The following TET3 variants were observed in gnomAD, a reference collection of about 807,000 sequenced individuals.
The protein encoded by TET3 is methylcytosine dioxygenase TET3.
TET3 carries 19 observed loss-of-function variants against 141.4 expected under a neutral mutation model. That is an observed-to-expected ratio of 0.13 (90% confidence interval 0.09 to 0.20). The LOEUF is 0.20. Among genes scored for constraint, TET3 ranks in the 10% least tolerant of loss-of-function variants. The pLI, the probability that TET3 is intolerant of heterozygous loss-of-function variation, is 1.00. For synonymous variants in TET3, 1,043 were observed against 980.9 expected, an observed-to-expected ratio of 1.06 and a Z score of -1.18; for missense variants, 1,874 against 2,356.9, an observed-to-expected ratio of 0.80 and a Z score of 4.24.
At chr2:73,994,585 T>G (rs1188412548) in intron 2 of TET3, among the ~76,000 whole-genome samples, 1 of 151,860 alleles carries the variant, frequency 6.6e-6, no homozygotes, top group Non-Finnish European at 1.5e-5. Flanking sequence ...TTGCTAAGAT[T>G]ATGTGAAGTA....
chr2:74,058,098 CAGA>C (rs1485425901), intron 4 of TET3, among the ~76,000 whole-genome samples: 1 of 152,026 alleles, frequency 6.6e-6, no homozygotes. Flanking sequence ...GATTAAATTC[CAGA>C]AGAAGCATGC....
At chr2:74,096,039 C>G (rs1690803705) in intron 10 of TET3, among the ~76,000 whole-genome samples, 1 of 152,190 alleles carries the variant, frequency 6.6e-6, no homozygotes, top group South Asian at 2.1e-4. Flanking sequence ...ATTTGAATTT[C>G]ATCTTTGCGA....
chr2:74,099,522 G>GAGA lies in TET3; in HGVS notation c.3524_3526dup (p.Lys1175dup). 6.2e-7 allele frequency: 1 copy of GAGA among 1,612,656 alleles called. No individual in the cohort carries two copies. The highest frequency in any genetic ancestry group is 1.1e-5 in the South Asian group (1 of 90,816). ...GCTGGAAGCCAGAAAGGCAGCAGCC[G>GAGA]AGAAGAAGAAGATTCAGAAGGAGAA... On this transcript the variant is annotated inframe_insertion, in exon 11 of 12. Transcript: ENST00000409262.
chr2:74,056,674 C>T (rs1688235852), intron 4 of TET3, among the ~76,000 whole-genome samples: 1 of 152,130 alleles, frequency 6.6e-6, no homozygotes, highest in Non-Finnish European at 1.5e-5. Context: ...AAATATTACC[C>T]TGGGGACTAC....
At chr2:74,109,426 CTATCTT>C (rs1442720339), downstream of TET3, among the ~76,000 whole-genome samples, 1 of 152,146 alleles carries the variant, frequency 6.6e-6, no homozygotes, top group Non-Finnish European at 1.5e-5. Context: ...TGCACTTAAA[CTATCTT>C]TATCAGTATG....
At chr2:74,113,941 T>C in the TET3 span, among the ~76,000 whole-genome samples, 2 of 151,596 alleles carry the variant, frequency 1.3e-5, no homozygotes, top group South Asian at 4.2e-4. Context: ...TTCACAGAAA[T>C]AGAAAAAAAA....
At chr2:74,075,995 T>C (rs1321500650) in intron 5 of TET3, among the ~76,000 whole-genome samples, 1 of 152,206 alleles carries the variant, frequency 6.6e-6, no homozygotes. Context: ...GAGTCAAATG[T>C]ACAAGTTTGA....
chr2:74,052,489 G>A (rs1687996264), intron 4 of TET3, among the ~76,000 whole-genome samples: 1 of 145,740 alleles, frequency 6.9e-6, no homozygotes, highest in Non-Finnish European at 1.5e-5. Context: ...GAGACTCCAT[G>A]AAGCCATCTA....
chr2:74,119,367 A>AAAGATATT, the TET3 span, among the ~76,000 whole-genome samples: 1 of 152,048 alleles, frequency 6.6e-6, no homozygotes, highest in African/African-American at 2.4e-5. Flanking sequence ...AAAAAAAAAA[A>AAAGATATT]AAAGATATTG....
chr2:74,002,584 C>G (rs555556245), intron 2 of TET3: 20 of 324,334 alleles, frequency 6.2e-5, no homozygotes, highest in Non-Finnish European at 1.1e-4. Flanking sequence ...GCTGCGCCCC[C>G]GCCTCCCGGC....
At chr2:74,022,245 G>T (rs1344400920) in intron 3 of TET3, among the ~76,000 whole-genome samples, 21 of 151,594 alleles carry the variant, frequency 1.4e-4, no homozygotes, top group Admixed American at 5.3e-4. Context: ...ATCTTTCCTT[G>T]CTATGTTTAG....
the TET3 span, among the ~76,000 whole-genome samples, chr2:74,115,274 A>G: frequency 6.6e-6 from 1 of 152,202 alleles, no homozygotes; most frequent in African/African-American, 2.4e-5. Context: ...AAACGAAACA[A>G]TGCTATTTAA....
chr2:74,088,061 G>A (rs188122828), intron 7 of TET3, 23 bp downstream of exon 7: 3 of 1,550,716 alleles, frequency 1.9e-6, no homozygotes, highest in African/African-American at 1.4e-5. Flanking sequence ...GGGCTTCAGG[G>A]CCAGGGCCCA....
chr2:73,984,721 C>T (rs1422798644), upstream of TET3, among the ~76,000 whole-genome samples: 3 of 150,932 alleles, frequency 2.0e-5, no homozygotes, highest in African/African-American at 7.3e-5. This position sits in a 1 kb window ranked among gnomAD's most constrained non-coding sequence, Gnocchi z 5.6. Context: ...GAAGCGGCGG[C>T]CGGGCCGGAG....
chr2:74,099,216 C>G, intron 10 of TET3, 60 bp from the exon 11 acceptor site: 1 of 1,464,784 alleles, frequency 6.8e-7, no homozygotes, highest in South Asian at 1.3e-5. Context: ...GCTCAGACCC[C>G]TCTCTCCCAG....
At chr2:73,989,861 C>T (rs2105074857) in intron 2 of TET3, among the ~76,000 whole-genome samples, 1 of 152,248 alleles carries the variant, frequency 6.6e-6, no homozygotes, top group Admixed American at 6.5e-5. Flanking sequence ...AGAGTAAGTG[C>T]TGTGCCCTTA....
intron 10 of TET3, among the ~76,000 whole-genome samples, chr2:74,098,717 C>T (rs771429434): frequency 2.0e-5 from 3 of 152,020 alleles, no homozygotes; most frequent in Non-Finnish European, 2.9e-5. Flanking sequence ...TCTCAGCCTC[C>T]CAAGTAGCTG....
chr2:74,124,940 A>AT, the TET3 span, among the ~76,000 whole-genome samples: 1 of 151,626 alleles, frequency 6.6e-6, no homozygotes, highest in South Asian at 2.1e-4. Flanking sequence ...AAAAAAAAAA[A>AT]GAAAAAGGTT....
chr2:74,099,417 G>A lies in TET3; in HGVS notation c.3409G>A (p.Gly1137Arg), dbSNP rs931767705. 1.9e-6 allele frequency: 3 copies of A among 1,614,016 alleles called. No homozygotes were observed. Among genetic ancestry groups the A allele is most frequent in the Non-Finnish European group, 1.7e-6 (2 of 1,179,886 alleles). ...EENQNAKVGS[G>R]AIQVLTAFPR... ...GAACCAGAATGCAAAGGTGGGCAGC[G>A]GAGCCATCCAGGTGCTCACCGCCTT... The change falls in exon 11 of 12, where the codon GGA (glycine) becomes AGA (arginine). Residue 1137 changes from glycine to arginine, a missense_variant. Transcript: ENST00000409262.
Sources: allele counts gnomAD v4.1 joint callset (sites outside exome capture counted in the v4.1 genomes callset), GRCh38; gene constraint gnomAD v4.1.1; non-coding constraint Gnocchi (gnomAD v3.1); transcripts MANE v1.5; gene names NCBI Gene and HGNC (gene_info 2026-07-23, HGNC 2026-07-21).